Variants in UBE3D observed in about 807,000 individuals in gnomAD.
UBE3D encodes ubiquitin protein ligase E3D, also known as E3 ubiquitin-protein ligase E3D.
A neutral mutation model predicts 49.6 loss-of-function variants in UBE3D; 48 were observed. That is an observed-to-expected ratio of 0.97 (90% CI 0.77 to 1.23). UBE3D has a LOEUF of 1.23. UBE3D is among the 50% of genes most tolerant of loss of function. UBE3D has a pLI of 0.00. For missense variants in UBE3D, 452 were observed against 468.4 expected, an observed-to-expected ratio of 0.96 and a Z score of 0.32; for synonymous variants, 189 against 174.2, an observed-to-expected ratio of 1.08 and a Z score of -0.67.
At chr6:83,040,276 C>A (rs1350070755) in intron 4 of UBE3D, among the ~76,000 whole-genome samples, 1 of 151,832 alleles carries the variant, frequency 6.6e-6, no homozygotes, top group Non-Finnish European at 1.5e-5. Context: ...CCCAGCTACT[C>A]AGGAGGCTGA....
chr6:83,003,632 T>C (rs1378324396), intron 8 of UBE3D, among the ~76,000 whole-genome samples: 1 of 152,150 alleles, frequency 6.6e-6, no homozygotes, highest in East Asian at 1.9e-4. Context: ...AGTCTATTAT[T>C]CCTAGGCTAC....
At position 83,044,690 on chromosome 6, in the gene UBE3D, A is replaced by G. The variant is rs369008384; in HGVS notation, c.366-31T>C. ...GGAAAGAGGAAAAATCATTTTTCACAGAACAAAATGATACTAACATTTTCT... is the reference window on the plus strand; with the variant it reads ...GGAAAGAGGAAAAATCATTTTTCACGGAACAAAATGATACTAACATTTTCT... On this transcript the variant is annotated intron_variant, in intron 3 of 9. Transcript: ENST00000369747. 42 of 1,517,714 alleles carry G rather than the reference A, an allele frequency of 2.8e-5. No homozygotes were observed. In the African/African-American group the frequency reaches 5.6e-4, roughly 20 times the overall value. 94.0% of individuals were successfully genotyped at this position (1,517,714 alleles called of 1,614,324 possible). A position where few individuals can be genotyped will look rare whatever the true frequency, so the allele number is the denominator to read the frequency against.
intron 2 of UBE3D, 72 bp from the exon 3 acceptor site, chr6:83,054,310 T>C: frequency 4.4e-6 from 5 of 1,141,426 alleles, no homozygotes; most frequent in Non-Finnish European, 6.5e-6. Flanking sequence ...AACAGTTCAA[T>C]AGCCACGATA....
chr6:83,002,212 A>G (rs909537328), intron 8 of UBE3D, among the ~76,000 whole-genome samples: 12 of 152,282 alleles, frequency 7.9e-5, no homozygotes, highest in African/African-American at 2.9e-4. Flanking sequence ...TAATTCAGCA[A>G]AAGAATACTG....
chr6:82,883,282 A>G, the UBE3D span, among the ~76,000 whole-genome samples: 4 of 152,340 alleles, frequency 2.6e-5, no homozygotes, highest in East Asian at 7.7e-4. Context: ...CTTAAAGGAT[A>G]TAGAACCTTT....
Position 82,934,060 on chromosome 6 carries a change from T to A in UBE3D, c.1149+23252A>T, listed in dbSNP as rs113811530. 5.6e-3 allele frequency among the ~76,000 whole-genome samples: 853 copies of A among 152,302 alleles called. 11 individuals are homozygous for A. Among genetic ancestry groups the A allele is most frequent in the African/African-American group, 0.019 (802 of 41,574 alleles). On this transcript the variant is annotated intron_variant, in intron 9 of 9. Transcript: ENST00000369747. Reference sequence around the variant, plus strand: ...GAGGGAGTGTCCTGGTAGGAGGTGATTGAATCCTGGGTGCTGTTTCCCCCA... The same window carrying A: ...GAGGGAGTGTCCTGGTAGGAGGTGAATGAATCCTGGGTGCTGTTTCCCCCA...
intron 9 of UBE3D, among the ~76,000 whole-genome samples, chr6:82,920,437 G>T (rs978702407): frequency 1.3e-5 from 2 of 152,172 alleles, no homozygotes; most frequent in African/African-American, 4.8e-5. Flanking sequence ...AAATAAAAAT[G>T]TAAGATATAT....
At chr6:82,979,831 A>G (rs750106206) in intron 8 of UBE3D, among the ~76,000 whole-genome samples, 18 of 152,244 alleles carry the variant, frequency 1.2e-4, no homozygotes, top group Non-Finnish European at 1.6e-4. Context: ...ACTTGTAAGT[A>G]AGAACATGCA....
chr6:83,038,422 A>G lies in UBE3D; in HGVS notation c.661T>C (p.Ser221Pro), dbSNP rs774613603. Reference sequence around the variant, plus strand: ...CTTGTTATGAAATTCTTACCTGATGACACGGTCTCTCCCAACATTACCTTG... The same window carrying G: ...CTTGTTATGAAATTCTTACCTGATGGCACGGTCTCTCCCAACATTACCTTG... ...RCKVMLGETV[S>P]SETTKFYMTE... The change falls in exon 5 of 10, where the codon TCA (serine) becomes CCA (proline). Residue 221 changes from serine (S) to proline (P), a missense_variant. Physicochemically the swap from Ser to Pro is moderately conservative, Grantham distance 74. Transcript: ENST00000369747. 6.2e-7 allele frequency: 1 copy of G among 1,611,814 alleles called. No homozygotes were observed. Among genetic ancestry groups the G allele is most frequent in the African/African-American group, 1.3e-5 (1 of 74,854 alleles).
At chr6:82,960,761 A>G (rs1358092501) in intron 8 of UBE3D, among the ~76,000 whole-genome samples, 2 of 151,924 alleles carry the variant, frequency 1.3e-5, no homozygotes, top group African/African-American at 2.4e-5. Flanking sequence ...AGTTGCCTCA[A>G]TGTTGCTTTT....
intron 9 of UBE3D, among the ~76,000 whole-genome samples, chr6:82,910,970 C>T (rs1362279607): frequency 2.0e-5 from 3 of 151,894 alleles, no homozygotes; most frequent in African/African-American, 7.3e-5. Context: ...AAGATCTAAT[C>T]CCACCAGATC....
At position 82,952,064 on chromosome 6, in the gene UBE3D, T is replaced by G. The variant is rs371345589; in HGVS notation, c.1149+5248A>C. On this transcript the variant is annotated intron_variant, in intron 9 of 9. Transcript: ENST00000369747. ...TTACTATGTTCCTCAACTAGGAGGA[T>G]CACACTACCCCTTAAGCACATGCAA... is the stretch of plus-strand genomic sequence containing the variant. 2.1e-3 allele frequency among the ~76,000 whole-genome samples: 315 copies of G among 152,282 alleles called. 2 individuals carry two copies. The highest frequency in any genetic ancestry group is 7.1e-3 in the African/African-American group (297 of 41,556).
At chr6:82,885,547 A>G in the UBE3D span, among the ~76,000 whole-genome samples, 1 of 152,240 alleles carries the variant, frequency 6.6e-6, no homozygotes, top group Non-Finnish European at 1.5e-5. Flanking sequence ...AGATGAGCTT[A>G]AATAACTTGC....
intron 8 of UBE3D, among the ~76,000 whole-genome samples, chr6:82,990,036 G>A (rs1244977609): frequency 6.6e-6 from 1 of 152,208 alleles, no homozygotes; most frequent in Non-Finnish European, 1.5e-5. Flanking sequence ...TTTGCTGGAA[G>A]TGAAGCTAGT....
intron 8 of UBE3D, among the ~76,000 whole-genome samples, chr6:83,012,219 G>C (rs1440369880): frequency 6.6e-6 from 1 of 152,196 alleles, no homozygotes; most frequent in East Asian, 1.9e-4. Flanking sequence ...GAAGCACTGT[G>C]TGTAGGATAG....
chr6:82,993,458 G>T (rs955853596), intron 8 of UBE3D, among the ~76,000 whole-genome samples: 14 of 152,272 alleles, frequency 9.2e-5, no homozygotes, highest in African/African-American at 3.4e-4. Flanking sequence ...AGTCCCTTAT[G>T]TAAAAATGAC....
At chr6:82,988,093 T>C (rs186958139) in intron 8 of UBE3D, among the ~76,000 whole-genome samples, 90 of 152,340 alleles carry the variant, frequency 5.9e-4, no homozygotes, top group Admixed American at 1.9e-3. Flanking sequence ...TGTATGACAG[T>C]CAATAGTCTC....
At chr6:82,898,342 G>T (rs1258039192) in intron 9 of UBE3D, among the ~76,000 whole-genome samples, 1 of 152,090 alleles carries the variant, frequency 6.6e-6, no homozygotes, top group Non-Finnish European at 1.5e-5. Flanking sequence ...ATACCCAAAG[G>T]ACTATAAATC....
rs550269977 is a variant in UBE3D at position 82,988,894 on chromosome 6, C to G, written c.1010+30079G>C. Among the ~76,000 whole-genome samples the G allele has an allele frequency of 5.5e-4, 83 of 151,674 alleles. 1 individual carries two copies. Among genetic ancestry groups the G allele is most frequent in the African/African-American group, 1.8e-3 (75 of 41,414 alleles). On this transcript the variant is annotated intron_variant, in intron 8 of 9. Coordinates refer to ENST00000369747, the MANE Select transcript of UBE3D (RefSeq NM_198920.3). The stretch of plus-strand genomic sequence containing the variant: ...AGAAAAAAGAAATCAGACTTAAAGT[C>G]TCAGAATTAAGCCCAATTCTAAAGT...
Sources: allele counts gnomAD v4.1 joint callset (sites outside exome capture counted in the v4.1 genomes callset), GRCh38; gene constraint gnomAD v4.1.1; transcripts MANE v1.5; gene names NCBI Gene and HGNC (gene_info 2026-07-23, HGNC 2026-07-21).